Variants in PCDH11X observed in about 807,000 individuals in gnomAD.
The protein encoded by PCDH11X is protocadherin 11 X-linked.
In PCDH11X, 18 loss-of-function variants were observed where a neutral mutation model predicts 53.3. The ratio of observed to expected loss-of-function variants is 0.34; its 90% CI spans 0.23 to 0.50. The LOEUF is 0.50. Ranked by LOEUF, PCDH11X falls within the 20% of genes least tolerant of loss-of-function variation. The probability of loss-of-function intolerance (pLI) is 0.98; values close to 1 mark genes in which losing one functional copy is unlikely to be tolerated. For synonymous variants in PCDH11X, 279 were observed against 393.3 expected (o/e 0.71, Z 3.44); for missense variants, 570 against 1,032.4 (o/e 0.55, Z 6.14).
intron 6 of PCDH11X, among the ~76,000 whole-genome samples, chrX:92,191,551 T>G (rs2066193369): frequency 1.8e-5 from 2 of 112,236 alleles, no homozygotes; most frequent in South Asian, 7.3e-4. Flanking sequence ...AATTTACCAA[T>G]GGCTTAGTCT....
chrX:92,448,936 A>G (rs2072718211), intron 9 of PCDH11X, among the ~76,000 whole-genome samples: 1 of 112,106 alleles, frequency 8.9e-6, no homozygotes, highest in African/African-American at 3.3e-5. Flanking sequence ...TGACTCACAT[A>G]AGTAGCTCTG....
At chrX:92,574,756 A>C (rs758042416) in intron 10 of PCDH11X, among the ~76,000 whole-genome samples, 1 of 111,100 alleles carries the variant, frequency 9.0e-6, no homozygotes, top group South Asian at 3.7e-4. Flanking sequence ...GATTTCAGTT[A>C]TTGCACATAC....
At chrX:92,038,672 GT>G (rs2148026602) in intron 6 of PCDH11X, among the ~76,000 whole-genome samples, 1 of 109,096 alleles carries the variant, frequency 9.2e-6, no homozygotes, top group Non-Finnish European at 1.9e-5. Flanking sequence ...GTTTGGCTGA[GT>G]CCCCACCCAA....
At chrX:92,197,303 TGA>T (rs1224455956) in intron 6 of PCDH11X, among the ~76,000 whole-genome samples, 1 of 111,945 alleles carries the variant, frequency 8.9e-6, no homozygotes, top group Non-Finnish European at 1.9e-5. Flanking sequence ...AGTAATTAAC[TGA>T]GAGTTTCTCC....
intron 6 of PCDH11X, among the ~76,000 whole-genome samples, chrX:92,124,650 C>T (rs759926705): frequency 2.7e-4 from 29 of 109,237 alleles, no homozygotes; most frequent in Middle Eastern, 4.7e-3. Flanking sequence ...AGTCCCAGGC[C>T]ATTTGGGAGT....
At chrX:92,086,695 T>C (rs948739998) in intron 6 of PCDH11X, among the ~76,000 whole-genome samples, 1 of 111,098 alleles carries the variant, frequency 9.0e-6, no homozygotes, top group African/African-American at 3.3e-5. Flanking sequence ...TACGAAACTT[T>C]TTTTGATGAG....
chrX:92,018,793 A>G (rs913304909), intron 6 of PCDH11X, among the ~76,000 whole-genome samples: 4 of 112,494 alleles, frequency 3.6e-5, no homozygotes, highest in Admixed American at 9.5e-5. Context: ...AATGAAAAAG[A>G]ACAGTCTCAT....
chrX:92,155,527 T>G (rs2148248028), intron 6 of PCDH11X, among the ~76,000 whole-genome samples: 1 of 93,672 alleles, frequency 1.1e-5, no homozygotes, highest in Admixed American at 1.2e-4. Flanking sequence ...TTTTTCAAAA[T>G]ATACCTGGAA....
chrX:92,193,401 A>ATTC (rs2066234727), intron 6 of PCDH11X, among the ~76,000 whole-genome samples: 1 of 111,098 alleles, frequency 9.0e-6, no homozygotes, highest in Non-Finnish European at 1.9e-5. Context: ...GAATGATGCC[A>ATTC]ATAACCTAAA....
chrX:92,226,111 T>A (rs898512720), intron 7 of PCDH11X, among the ~76,000 whole-genome samples: 2 of 111,765 alleles, frequency 1.8e-5, no homozygotes, highest in Non-Finnish European at 3.8e-5. Context: ...GGGGAGGGGA[T>A]GATCCCTTTC....
intron 6 of PCDH11X, among the ~76,000 whole-genome samples, chrX:92,110,786 G>A (rs904877959): frequency 2.7e-5 from 3 of 110,844 alleles, no homozygotes; most frequent in Non-Finnish European, 3.8e-5. Context: ...GAACCAAAAG[G>A]GGGAGGCAGG....
At chrX:91,890,443 TA>T (rs1329289405) in intron 6 of PCDH11X, among the ~76,000 whole-genome samples, 3 of 99,291 alleles carry the variant, frequency 3.0e-5, no homozygotes, top group Non-Finnish European at 4.3e-5. Flanking sequence ...TTTTTTCTTT[TA>T]AAAAAATTAT....
At chrX:92,607,048 G>T (rs759757957) in intron 10 of PCDH11X, among the ~76,000 whole-genome samples, 193 of 111,417 alleles carry the variant, frequency 1.7e-3, no homozygotes, top group African/African-American at 6.1e-3. Context: ...GTAAAGAAAT[G>T]GGAACATTCA....
At chrX:92,355,417 C>CAAA (rs57339128) in intron 8 of PCDH11X, among the ~76,000 whole-genome samples, 238 of 23,574 alleles carry the variant, frequency 0.01, 9 homozygotes, top group Non-Finnish European at 0.011. Flanking sequence ...GACTCCGTCT[C>CAAA]AAAAAAAAAA....
chrX:91,890,233 A>T (rs1254619928), intron 6 of PCDH11X, among the ~76,000 whole-genome samples: 1 of 111,880 alleles, frequency 8.9e-6, no homozygotes, highest in African/African-American at 3.2e-5. Flanking sequence ...TCTAGCAGAA[A>T]AAAGTAAGAT....
chrX:92,263,151 T>A lies in PCDH11X; in HGVS notation c.3144+8T>A. ...GGGAAAGTGGCAGGAAAGGTAAGACTGCAAATTTCAAAGAAAATTGATTTT... is the reference window on the plus strand; with the variant it reads ...GGGAAAGTGGCAGGAAAGGTAAGACAGCAAATTTCAAAGAAAATTGATTTT... On this transcript the variant is annotated splice_region_variant and intron_variant, in intron 8 of 10. Coordinates refer to ENST00000682573, the MANE Select transcript of PCDH11X (RefSeq NM_032968.5). 1 of 1,173,756 alleles carries A rather than the reference T, an allele frequency of 8.5e-7. No individual in the cohort carries two copies. Among genetic ancestry groups the A allele is most frequent in the South Asian group, 1.9e-5 (1 of 53,124 alleles).
chrX:92,273,684 T>TC (rs1216920084), intron 8 of PCDH11X, among the ~76,000 whole-genome samples: 8 of 109,843 alleles, frequency 7.3e-5, no homozygotes, highest in African/African-American at 2.7e-4. Context: ...TGAAGGAAGA[T>TC]TTGTGGTAAG....
At chrX:92,520,193 A>G (rs1454932738) in intron 10 of PCDH11X, among the ~76,000 whole-genome samples, 1 of 109,096 alleles carries the variant, frequency 9.2e-6, no homozygotes, top group African/African-American at 3.3e-5. Flanking sequence ...CCATTGCAAT[A>G]AAGTGAAATA....
intron 6 of PCDH11X, among the ~76,000 whole-genome samples, chrX:92,091,477 A>C (rs890525315): frequency 9.0e-6 from 1 of 111,639 alleles, no homozygotes; most frequent in African/African-American, 3.3e-5. Flanking sequence ...TCTGAGCCAA[A>C]TATGAGTGGC....
Sources: allele counts gnomAD v4.1 joint callset (sites outside exome capture counted in the v4.1 genomes callset), GRCh38; gene constraint gnomAD v4.1.1; transcripts MANE v1.5; gene names NCBI Gene and HGNC (gene_info 2026-07-23, HGNC 2026-07-21).